The following BAIAP2L1 variants were observed in gnomAD, a reference collection of about 807,000 sequenced individuals.
BAIAP2L1 encodes the protein BAR/IMD domain-containing adapter protein 2-like 1.
BAIAP2L1 carries 35 observed loss-of-function variants against 66.3 expected under a neutral mutation model. That is an observed-to-expected ratio of 0.53 (90% CI 0.40 to 0.70). The LOEUF (loss-of-function observed/expected upper bound fraction) is 0.70, where lower values mean the gene tolerates loss of function less well. Among genes scored for constraint, BAIAP2L1 ranks in the 30% least tolerant of loss-of-function variants. BAIAP2L1 has a pLI of 0.00. For missense variants in BAIAP2L1, 622 were observed against 656.9 expected (o/e 0.95, Z 0.58); for synonymous variants, 269 against 248.7 (o/e 1.08, Z -0.77).
chr7:98,397,699 C>T (rs1212056915), intron 1 of BAIAP2L1, among the ~76,000 whole-genome samples: 4 of 152,104 alleles, frequency 2.6e-5, no homozygotes, highest in African/African-American at 9.7e-5. Context: ...TGAACTACTT[C>T]TTCTACCATG....
At chr7:98,375,078 C>A (rs1461890360) in intron 1 of BAIAP2L1, among the ~76,000 whole-genome samples, 1 of 151,256 alleles carries the variant, frequency 6.6e-6, no homozygotes, top group African/African-American at 2.4e-5. Flanking sequence ...CACAGTGAGA[C>A]CCTGTCTCAA....
At chr7:98,347,975 C>G (rs148602155) in intron 3 of BAIAP2L1, among the ~76,000 whole-genome samples, 1 of 151,740 alleles carries the variant, frequency 6.6e-6, no homozygotes, top group Non-Finnish European at 1.5e-5. Flanking sequence ...CATCACACAC[C>G]GGGGCCTGTT....
intron 12 of BAIAP2L1, among the ~76,000 whole-genome samples, chr7:98,299,172 T>G (rs1160289868): frequency 1.3e-5 from 2 of 152,012 alleles, no homozygotes; most frequent in Non-Finnish European, 2.9e-5. Context: ...CCTGCCACCA[T>G]GCCCAGCTAA....
intron 11 of BAIAP2L1, 45 bp from the exon 12 acceptor site, chr7:98,304,421 C>T: frequency 6.3e-7 from 1 of 1,593,982 alleles, no homozygotes; most frequent in South Asian, 1.1e-5. Flanking sequence ...AATGTCTCAC[C>T]ACCAAACCCC....
intron 3 of BAIAP2L1, among the ~76,000 whole-genome samples, chr7:98,344,819 C>T (rs1801833496): frequency 6.6e-6 from 1 of 152,152 alleles, no homozygotes; most frequent in Admixed American, 6.5e-5. Flanking sequence ...GCCTGTAATC[C>T]CAGCTACTTG....
At chr7:98,340,679 G>T (rs1333905311) in intron 3 of BAIAP2L1, among the ~76,000 whole-genome samples, 1 of 151,920 alleles carries the variant, frequency 6.6e-6, no homozygotes, top group South Asian at 2.1e-4. Context: ...AACAACTTTT[G>T]TAAACAAGTA....
At chr7:98,302,922 C>A (rs1800487490) in intron 12 of BAIAP2L1, among the ~76,000 whole-genome samples, 1 of 152,144 alleles carries the variant, frequency 6.6e-6, no homozygotes, top group East Asian at 1.9e-4. Flanking sequence ...ACAGCTGGGA[C>A]TACAGACATG....
At chr7:98,344,668 G>C (rs1801829867) in intron 3 of BAIAP2L1, among the ~76,000 whole-genome samples, 1 of 152,222 alleles carries the variant, frequency 6.6e-6, no homozygotes, top group Non-Finnish European at 1.5e-5. Flanking sequence ...GGGCGTTGTG[G>C]CTCACGCCTG....
chr7:98,347,513 C>T (rs1179679427), intron 3 of BAIAP2L1, among the ~76,000 whole-genome samples: 1 of 152,112 alleles, frequency 6.6e-6, no homozygotes, highest in Non-Finnish European at 1.5e-5. Flanking sequence ...CAGTGGCTCA[C>T]GCCTGTAATC....
At chr7:98,386,227 A>G (rs1234360970) in intron 1 of BAIAP2L1, 4 of 1,543,896 alleles carry the variant, frequency 2.6e-6, no homozygotes, top group Non-Finnish European at 3.5e-6. Flanking sequence ...GTGAGCTTCA[A>G]TCATTGTCTG....
At chr7:98,300,321 A>C (rs115146741) in intron 12 of BAIAP2L1, among the ~76,000 whole-genome samples, 1,527 of 152,208 alleles carry the variant, frequency 0.01, 30 homozygotes, top group African/African-American at 0.035. Context: ...GCTGTTTCCC[A>C]CAGCTGCGCT....
chr7:98,355,373 G>A lies in BAIAP2L1; in HGVS notation c.128-245C>T, dbSNP rs1802095604. The stretch of plus-strand genomic sequence containing the variant: ...CCCCGGGGAACCTTCAGCAGCAGGT[G>A]CTGAAAGTCCAGAGAAGGCTCAGCT... On this transcript the variant is annotated intron_variant, in intron 2 of 13. Coordinates refer to ENST00000005260, the MANE Select transcript of BAIAP2L1 (RefSeq NM_018842.5). 7 of 517,756 alleles carry A rather than the reference G, an allele frequency of 1.4e-5. No individual in the cohort carries two copies. In the South Asian group the frequency reaches 1.6e-4, roughly 12 times the overall value. 32.1% of individuals were successfully genotyped at this position (517,756 alleles called of 1,614,324 possible).
intron 3 of BAIAP2L1, among the ~76,000 whole-genome samples, chr7:98,332,809 CAA>C (rs55756451): frequency 3.6e-5 from 3 of 83,674 alleles, no homozygotes; most frequent in Admixed American, 1.5e-4. Flanking sequence ...ACTTCGTCCC[CAA>C]AAAAAAAAAA....
intron 1 of BAIAP2L1, among the ~76,000 whole-genome samples, chr7:98,391,161 G>A (rs7797331): frequency 6.6e-6 from 1 of 151,900 alleles, no homozygotes; most frequent in East Asian, 2.0e-4. Flanking sequence ...AGTTTAAGCA[G>A]GAAATCTGGG....
At chr7:98,361,702 T>A (rs1403188593) in intron 2 of BAIAP2L1, among the ~76,000 whole-genome samples, 5 of 152,188 alleles carry the variant, frequency 3.3e-5, no homozygotes, top group Non-Finnish European at 5.9e-5. Flanking sequence ...CTGTTTAATT[T>A]AGATGTTTTT....
chr7:98,392,942 G>GC (rs1016322076), intron 1 of BAIAP2L1, among the ~76,000 whole-genome samples: 2 of 138,492 alleles, frequency 1.4e-5, no homozygotes, highest in African/African-American at 5.2e-5. Flanking sequence ...ACAGGCACCC[G>GC]CCACCACGCC....
chr7:98,301,452 A>T (rs1008643353), intron 12 of BAIAP2L1, among the ~76,000 whole-genome samples: 5 of 148,850 alleles, frequency 3.4e-5, no homozygotes, highest in African/African-American at 9.9e-5. Context: ...AAAGCCTGAA[A>T]GCCTTCTAGC....
At position 98,355,106 on chromosome 7, in the gene BAIAP2L1, G is replaced by C. The variant is rs1480521945; in HGVS notation, c.150C>G (p.Ala50=). ...CGATCTTGGCCACTCCATCGTAGTA[G>C]GCTTTTCCTGCCAGGATCATAGCTA... ...AVNAMILAGK[A]YYDGVAKIGE... Residue 50 remains alanine (A), a synonymous_variant, in exon 3 of 14, where the codon GCC becomes GCG. Transcript: ENST00000005260. The C allele has an allele frequency of 6.2e-7, 1 of 1,613,544 alleles. No homozygotes were observed. Among genetic ancestry groups the C allele is most frequent in the Admixed American group, 1.7e-5 (1 of 60,016 alleles).
At chr7:98,336,357 T>C (rs896811829) in intron 3 of BAIAP2L1, among the ~76,000 whole-genome samples, 2 of 152,144 alleles carry the variant, frequency 1.3e-5, no homozygotes, top group African/African-American at 4.8e-5. Context: ...CTCACGCCTG[T>C]AATCCCAGCA....
Sources: gnomAD v4.1 joint callset for allele counts (sites outside exome capture counted in the v4.1 genomes callset) on GRCh38, gnomAD v4.1.1 for gene constraint, MANE v1.5 for transcripts, NCBI Gene and HGNC (gene_info 2026-07-23, HGNC 2026-07-21) for gene names.